DNAJC24: variants seen among roughly 807,000 people sequenced by gnomAD.
The protein encoded by DNAJC24 is dnaJ homolog subfamily C member 24.
DNAJC24 carries 17 observed loss-of-function variants against 18.0 expected under a neutral mutation model. The observed-to-expected ratio is 0.94, with a 90% confidence interval of 0.65 to 1.42. The LOEUF (loss-of-function observed/expected upper bound fraction) is 1.42, where lower values mean the gene tolerates loss of function less well. DNAJC24 is among the 40% of genes most tolerant of loss of function. The pLI is 0.00. For missense variants in DNAJC24, 158 were observed against 175.6 expected (o/e 0.90, Z 0.57); for synonymous variants, 55 against 57.7 (o/e 0.95, Z 0.21).
chr11:31,383,946 A>C (rs1440992342), intron 2 of DNAJC24, among the ~76,000 whole-genome samples: 1 of 152,240 alleles, frequency 6.6e-6, no homozygotes, highest in Non-Finnish European at 1.5e-5. Flanking sequence ...TCAGAACAAA[A>C]GTTCATTTCC....
At chr11:31,402,416 A>G (rs868659535) in intron 2 of DNAJC24, among the ~76,000 whole-genome samples, 33 of 152,330 alleles carry the variant, frequency 2.2e-4, no homozygotes, top group South Asian at 1.7e-3. Context: ...TAGACTTTAT[A>G]AACATTGTAC....
chr11:31,415,853 T>A (rs1048802479), intron 3 of DNAJC24: 4 of 152,174 alleles, frequency 2.6e-5, no homozygotes, highest in African/African-American at 9.6e-5. Context: ...CACAAAATGA[T>A]TCTGAGGCTT....
chr11:31,416,643 A>G (rs1952753677), intron 3 of DNAJC24: 1 of 152,150 alleles, frequency 6.6e-6, no homozygotes, highest in Non-Finnish European at 1.5e-5. Context: ...TATTAAGAAC[A>G]TATTAGTGAA....
chr11:31,386,323 A>G (rs1952429918), intron 2 of DNAJC24, among the ~76,000 whole-genome samples: 1 of 151,186 alleles, frequency 6.6e-6, no homozygotes, highest in Admixed American at 6.6e-5. Context: ...GCAGCTTACA[A>G]CTCTGGGAGA....
chr11:31,397,437 T>C (rs1281252007), intron 2 of DNAJC24, among the ~76,000 whole-genome samples: 1 of 151,852 alleles, frequency 6.6e-6, no homozygotes, highest in Non-Finnish European at 1.5e-5. Flanking sequence ...TACTAAGCAA[T>C]AGGTGGCAGT....
At chr11:31,402,295 T>C (rs561283085) in intron 2 of DNAJC24, among the ~76,000 whole-genome samples, 2 of 152,132 alleles carry the variant, frequency 1.3e-5, no homozygotes, top group South Asian at 4.1e-4. Context: ...AAATGATACA[T>C]ACCTGTGTAG....
chr11:31,395,532 A>AT (rs2133481615), intron 2 of DNAJC24, among the ~76,000 whole-genome samples: 1 of 152,196 alleles, frequency 6.6e-6, no homozygotes, highest in South Asian at 2.1e-4. Flanking sequence ...AGCATCCATT[A>AT]TTTTTTTACC....
At chr11:31,379,131 A>G (rs1952348930) in intron 2 of DNAJC24, among the ~76,000 whole-genome samples, 3 of 152,126 alleles carry the variant, frequency 2.0e-5, no homozygotes, top group Middle Eastern at 6.8e-3. Context: ...CCTCTAGCTC[A>G]GGGGTCCCCA....
intron 3 of DNAJC24, among the ~76,000 whole-genome samples, chr11:31,421,404 A>G (rs1289183550): frequency 6.6e-6 from 1 of 152,204 alleles, no homozygotes; most frequent in Non-Finnish European, 1.5e-5. Flanking sequence ...TTGAAATGAC[A>G]TAAACAAACA....
At chr11:31,370,057 GGTT>G (rs1418057777) in intron 1 of DNAJC24, 145 bp downstream of exon 1, 2 of 152,374 alleles carry the variant, frequency 1.3e-5, no homozygotes, top group Non-Finnish European at 1.5e-5. Flanking sequence ...TGTGGGAAGA[GGTT>G]GCCTGATTTC....
intron 2 of DNAJC24, among the ~76,000 whole-genome samples, chr11:31,381,029 G>A (rs1054704680): frequency 6.6e-6 from 1 of 152,108 alleles, no homozygotes; most frequent in African/African-American, 2.4e-5. Context: ...TTTGTAAGAA[G>A]TCTGATTAGT....
chr11:31,392,270 A>G (rs1039095287), intron 2 of DNAJC24, among the ~76,000 whole-genome samples: 1 of 152,212 alleles, frequency 6.6e-6, no homozygotes, highest in African/African-American at 2.4e-5. Context: ...TGTTTGTAAC[A>G]TAAAGGATAA....
At chr11:31,417,870 C>T (rs1591919933) in intron 3 of DNAJC24, among the ~76,000 whole-genome samples, 2 of 152,112 alleles carry the variant, frequency 1.3e-5, no homozygotes, top group South Asian at 2.1e-4. Flanking sequence ...GGACACTTGA[C>T]GTCCATATTT....
intron 2 of DNAJC24, among the ~76,000 whole-genome samples, chr11:31,389,804 C>T (rs553821739): frequency 6.6e-6 from 1 of 152,276 alleles, no homozygotes; most frequent in East Asian, 1.9e-4. Flanking sequence ...TAAATAATAT[C>T]AAGCATATTC....
intron 2 of DNAJC24, among the ~76,000 whole-genome samples, chr11:31,402,817 A>G (rs1952613191): frequency 6.6e-6 from 1 of 152,178 alleles, no homozygotes; most frequent in African/African-American, 2.4e-5. Flanking sequence ...GTTCCACTTT[A>G]TAAAGTTTAT....
intron 2 of DNAJC24, among the ~76,000 whole-genome samples, chr11:31,394,192 G>A (rs1003142622): frequency 3.3e-5 from 5 of 151,960 alleles, no homozygotes; most frequent in South Asian, 2.1e-4. Flanking sequence ...CATTTGAAAC[G>A]GCAAAATTGC....
At chr11:31,388,204 G>A (rs1471881050) in intron 2 of DNAJC24, among the ~76,000 whole-genome samples, 3 of 152,008 alleles carry the variant, frequency 2.0e-5, no homozygotes, top group African/African-American at 7.2e-5. Context: ...TTATTCAGAT[G>A]GTTAATAACA....
intron 2 of DNAJC24, among the ~76,000 whole-genome samples, chr11:31,394,627 G>C (rs1377191146): frequency 1.3e-5 from 2 of 150,974 alleles, no homozygotes; most frequent in Non-Finnish European, 3.0e-5. Flanking sequence ...TGACTCAAAA[G>C]AAAAATATAA....
At chr11:31,376,787 G>A (rs1049278645) in intron 2 of DNAJC24, among the ~76,000 whole-genome samples, 10 of 151,958 alleles carry the variant, frequency 6.6e-5, no homozygotes, top group African/African-American at 2.2e-4. Context: ...CCTCATTTAT[G>A]CACAGTTAAT....
Sources: allele counts gnomAD v4.1 joint callset (sites outside exome capture counted in the v4.1 genomes callset), GRCh38; gene constraint gnomAD v4.1.1; transcripts MANE v1.5; gene names NCBI Gene and HGNC (gene_info 2026-07-23, HGNC 2026-07-21).